NELL1: variants seen among roughly 807,000 people sequenced by gnomAD.
NELL1 encodes protein kinase C-binding protein NELL1.
Under a neutral mutation model 107.4 loss-of-function variants are expected in NELL1, and 76 were observed. The ratio of observed to expected loss-of-function variants is 0.71; its 90% CI spans 0.59 to 0.86. The LOEUF is 0.86. Among genes scored for constraint, NELL1 ranks in the 40% least tolerant of loss-of-function variants. NELL1 has a pLI of 0.00. For missense variants in NELL1, 1,024 were observed against 1,005.5 expected (o/e 1.02, Z -0.25); for synonymous variants, 353 against 341.2 (o/e 1.03, Z -0.38).
chr11:20,723,907 C>A (rs1043030001), intron 2 of NELL1, among the ~76,000 whole-genome samples: 2 of 152,198 alleles, frequency 1.3e-5, no homozygotes, highest in African/African-American at 4.8e-5. Flanking sequence ...CACCCACATG[C>A]CCAACACCAC....
At chr11:21,336,753 C>G (rs918493543) in intron 14 of NELL1, among the ~76,000 whole-genome samples, 1 of 150,192 alleles carries the variant, frequency 6.7e-6, no homozygotes, top group Non-Finnish European at 1.5e-5. Flanking sequence ...GTTTTACTGT[C>G]TGTTTTTCAC....
intron 15 of NELL1, among the ~76,000 whole-genome samples, chr11:21,472,996 G>C (rs1854223020): frequency 6.6e-6 from 1 of 151,982 alleles, no homozygotes; most frequent in Admixed American, 6.6e-5. Flanking sequence ...TCTACCTCAA[G>C]CTATTTTTAT....
At chr11:20,984,231 C>G (rs1851806413) in intron 12 of NELL1, among the ~76,000 whole-genome samples, 1 of 152,144 alleles carries the variant, frequency 6.6e-6, no homozygotes, top group Non-Finnish European at 1.5e-5. Flanking sequence ...CATTGTATCT[C>G]TAGCACCTAA....
intron 2 of NELL1, among the ~76,000 whole-genome samples, chr11:20,727,460 T>A (rs2133917329): frequency 1.3e-5 from 2 of 152,358 alleles, no homozygotes; most frequent in East Asian, 3.9e-4. Flanking sequence ...TTTTTTCTTG[T>A]AAATTTGTTG....
At chr11:20,713,228 G>A (rs754436058) in intron 2 of NELL1, among the ~76,000 whole-genome samples, 53 of 152,044 alleles carry the variant, frequency 3.5e-4, no homozygotes, top group Non-Finnish European at 5.0e-4. Flanking sequence ...ACAAAGCTCC[G>A]GAGTGTCTGT....
At chr11:20,734,979 T>G (rs545689653) in intron 2 of NELL1, among the ~76,000 whole-genome samples, 2 of 152,110 alleles carry the variant, frequency 1.3e-5, no homozygotes, top group Non-Finnish European at 1.5e-5. Context: ...CTCCAACCAA[T>G]TCTGGTGGTA....
At chr11:20,718,667 A>G (rs1484440588) in intron 2 of NELL1, among the ~76,000 whole-genome samples, 1 of 152,072 alleles carries the variant, frequency 6.6e-6, no homozygotes, top group Non-Finnish European at 1.5e-5. Context: ...ATGTATTGCT[A>G]GTCTTCAGAC....
intron 7 of NELL1, among the ~76,000 whole-genome samples, chr11:20,925,438 C>CTTTTT (rs869078958): frequency 2.5e-5 from 3 of 122,254 alleles, no homozygotes; most frequent in Non-Finnish European, 1.7e-5. Context: ...CCACACCCGG[C>CTTTTT]TTTTTTTTTT....
chr11:20,671,602 C>T (rs527687322), intron 1 of NELL1, among the ~76,000 whole-genome samples: 5 of 152,200 alleles, frequency 3.3e-5, no homozygotes, highest in Non-Finnish European at 5.9e-5. Flanking sequence ...GTAAAAATTT[C>T]GTTGTAGGGG....
intron 3 of NELL1, among the ~76,000 whole-genome samples, chr11:20,810,871 T>A (rs1857488516): frequency 6.6e-6 from 1 of 151,706 alleles, no homozygotes; most frequent in Admixed American, 6.6e-5. Context: ...TTTAAATGAG[T>A]TTTTGTAGTT....
At chr11:20,993,502 TC>T (rs1186203350) in intron 12 of NELL1, among the ~76,000 whole-genome samples, 2 of 151,980 alleles carry the variant, frequency 1.3e-5, no homozygotes, top group Non-Finnish European at 2.9e-5. Context: ...GTGAACAGAG[TC>T]TTAATGAATA....
intron 3 of NELL1, among the ~76,000 whole-genome samples, chr11:20,829,090 C>T (rs747183271): frequency 4.6e-5 from 7 of 152,050 alleles, no homozygotes; most frequent in Non-Finnish European, 7.4e-5. Flanking sequence ...TTTTCTTTTA[C>T]ATTAATTTTA....
At chr11:21,125,988 A>G (rs879718790) in intron 13 of NELL1, among the ~76,000 whole-genome samples, 1 of 152,230 alleles carries the variant, frequency 6.6e-6, no homozygotes, top group African/African-American at 2.4e-5. Flanking sequence ...ATATTTGTAA[A>G]GTGCTTGGAA....
chr11:20,990,987 TCTC>T (rs923370174), intron 12 of NELL1, among the ~76,000 whole-genome samples: 1 of 152,082 alleles, frequency 6.6e-6, no homozygotes, highest in African/African-American at 2.4e-5. Flanking sequence ...AGCTCACTAT[TCTC>T]CTGACCCAGT....
intron 14 of NELL1, among the ~76,000 whole-genome samples, chr11:21,339,405 A>G (rs1371808341): frequency 6.6e-6 from 1 of 152,196 alleles, no homozygotes; most frequent in African/African-American, 2.4e-5. Flanking sequence ...AGCACTGACA[A>G]CAGCTTGATT....
intron 12 of NELL1, among the ~76,000 whole-genome samples, chr11:21,035,205 A>G (rs1853059044): frequency 6.6e-6 from 1 of 152,126 alleles, no homozygotes; most frequent in Non-Finnish European, 1.5e-5. Flanking sequence ...TAGACTAATC[A>G]TGAACTCTGA....
intron 3 of NELL1, among the ~76,000 whole-genome samples, chr11:20,822,568 T>G (rs1857781950): frequency 6.6e-6 from 1 of 152,192 alleles, no homozygotes; most frequent in African/African-American, 2.4e-5. Flanking sequence ...TTTAATAGAT[T>G]CATCTGTTTA....
At chr11:21,480,406 G>A (rs1053338936) in intron 15 of NELL1, among the ~76,000 whole-genome samples, 8 of 152,170 alleles carry the variant, frequency 5.3e-5, no homozygotes, top group African/African-American at 1.9e-4. Flanking sequence ...AGTGGATAGG[G>A]AAGAAGGGCA....
At chr11:20,978,909 A>G (rs998484522) in intron 12 of NELL1, among the ~76,000 whole-genome samples, 1 of 152,062 alleles carries the variant, frequency 6.6e-6, no homozygotes, top group African/African-American at 2.4e-5. Context: ...TATTATCAAC[A>G]TTATTGATGC....
Sources: allele counts gnomAD v4.1 joint callset (sites outside exome capture counted in the v4.1 genomes callset), GRCh38; gene constraint gnomAD v4.1.1; transcripts MANE v1.5; gene names NCBI Gene and HGNC (gene_info 2026-07-23, HGNC 2026-07-21).